Variants in MYO18B observed in about 807,000 individuals in gnomAD.
MYO18B encodes unconventional myosin-XVIIIb.
Under a neutral mutation model 273.0 loss-of-function variants are expected in MYO18B, and 204 were observed. That is an observed-to-expected ratio of 0.75 (90% CI 0.67 to 0.84). MYO18B has a LOEUF of 0.84. MYO18B is among the 40% of genes least tolerant of loss of function. MYO18B has a pLI of 0.00. For synonymous variants in MYO18B, 1,330 were observed against 1,305.7 expected (o/e 1.02, Z -0.40); for missense variants, 3,212 against 3,287.6 (o/e 0.98, Z 0.56).
chr22:25,794,090 C>G (rs552240991), intron 11 of MYO18B, among the ~76,000 whole-genome samples: 1 of 151,998 alleles, frequency 6.6e-6, no homozygotes, highest in Non-Finnish European at 1.5e-5. Context: ...CCCGCCACCA[C>G]GCCAGGCTAA....
rs765149814 is a variant in MYO18B, at chr22:25,868,307, A to G, written c.3886-13A>G. On this transcript the variant is annotated splice_polypyrimidine_tract_variant and intron_variant, in intron 21 of 43. Coordinates refer to ENST00000335473, the MANE Select transcript of MYO18B (RefSeq NM_032608.7). ...TTCTATGCTGTCTAACTTCTCTCTA[A>G]TTTTTTCCCCAGGCCGTGGAGGAGC... 2.5e-6 allele frequency: 4 copies of G among 1,593,040 alleles called. No individual in the cohort carries two copies. The highest frequency in any genetic ancestry group is 3.4e-6 in the Non-Finnish European group (4 of 1,169,508).
intron 1 of MYO18B, among the ~76,000 whole-genome samples, chr22:25,758,237 C>T (rs946935585): frequency 6.6e-6 from 1 of 152,076 alleles, no homozygotes; most frequent in Non-Finnish European, 1.5e-5. Context: ...TGGTCTCGAA[C>T]TCCTGACCTC....
intron 34 of MYO18B, among the ~76,000 whole-genome samples, chr22:25,925,223 TG>T (rs1384789755): frequency 6.6e-6 from 1 of 152,108 alleles, no homozygotes; most frequent in Non-Finnish European, 1.5e-5. Flanking sequence ...TTCTGGATTC[TG>T]CCCCCTCCCC....
At chr22:25,926,199 C>A (rs540375644) in intron 34 of MYO18B, among the ~76,000 whole-genome samples, 1 of 151,628 alleles carries the variant, frequency 6.6e-6, no homozygotes, top group African/African-American at 2.4e-5. Flanking sequence ...AGCAAGACTG[C>A]GTCTCAAAAA....
chr22:25,947,804 G>GAAGCAC lies in MYO18B; in HGVS notation c.5728_5733dup (p.His1910_Lys1911dup). On this transcript the variant is annotated inframe_insertion, in exon 36 of 44. Transcript: ENST00000335473. ...AGGATGACCTGAATGAGCTGATGCA[G>GAAGCAC]AAGCACAAGGACCTCATTGCTCAGG... The GAAGCAC allele has an allele frequency of 1.2e-6, 2 of 1,613,876 alleles. No individual in the cohort carries two copies. Among genetic ancestry groups the GAAGCAC allele is most frequent in the Non-Finnish European group, 1.7e-6 (2 of 1,179,838 alleles).
intron 22 of MYO18B, among the ~76,000 whole-genome samples, chr22:25,868,759 C>G (rs1195828899): frequency 6.6e-6 from 1 of 152,110 alleles, no homozygotes; most frequent in Non-Finnish European, 1.5e-5. Flanking sequence ...GCAACCAGCT[C>G]TAACACAGCT....
chr22:25,798,027 G>A lies in MYO18B; in HGVS notation c.2451G>A (p.Glu817=). The part of the protein sequence containing the change: ...QGAMEMLGIS[E]SEQRAVWRVL... The stretch of plus-strand genomic sequence containing the variant: ...CCATGGAGATGCTCGGCATCTCAGA[G>A]AGCGAGCAGCGGGCTGTTTGGCGGG... Residue 817 remains glutamate, a synonymous_variant, in exon 12 of 44, where the codon GAG becomes GAA. Coordinates refer to ENST00000335473, the MANE Select transcript of MYO18B (RefSeq NM_032608.7). 6.2e-7 allele frequency: 1 copy of A among 1,613,596 alleles called. No homozygotes were observed. Among genetic ancestry groups the A allele is most frequent in the Non-Finnish European group, 8.5e-7 (1 of 1,179,550 alleles).
chr22:25,901,726 T>C (rs867707184), intron 29 of MYO18B, among the ~76,000 whole-genome samples: 3 of 152,036 alleles, frequency 2.0e-5, no homozygotes, highest in African/African-American at 7.3e-5. Flanking sequence ...TCAGGAAATA[T>C]TGGAAGTCAA....
At chr22:25,932,395 CTTTTTTCT>C (rs780898969) in intron 34 of MYO18B, among the ~76,000 whole-genome samples, 4 of 146,888 alleles carry the variant, frequency 2.7e-5, no homozygotes, top group Admixed American at 6.8e-5. Flanking sequence ...CTTTTCTTTT[CTTTTTTCT>C]TTTCTTTCTT....
intron 10 of MYO18B, among the ~76,000 whole-genome samples, chr22:25,782,638 C>T (rs1361355850): frequency 1.3e-5 from 2 of 152,158 alleles, no homozygotes; most frequent in Admixed American, 6.5e-5. Context: ...GTGGGTTTTC[C>T]CACATGAGGG....
intron 12 of MYO18B, among the ~76,000 whole-genome samples, chr22:25,821,153 T>C (rs147717161): frequency 6.6e-6 from 1 of 152,338 alleles, no homozygotes; most frequent in East Asian, 1.9e-4. Context: ...AGATGTCTCT[T>C]TGATGCACTG....
At chr22:26,016,311 G>T (rs1212216404) in intron 42 of MYO18B, among the ~76,000 whole-genome samples, 1 of 152,182 alleles carries the variant, frequency 6.6e-6, no homozygotes, top group East Asian at 1.9e-4. Context: ...ATCAGAGTGT[G>T]ACTTGGGAAG....
chr22:25,785,360 C>T (rs891477450), intron 10 of MYO18B, 68 bp from the exon 11 acceptor site: 42 of 1,493,374 alleles, frequency 2.8e-5, no homozygotes, highest in East Asian at 7.3e-5. Flanking sequence ...CACACTGTGA[C>T]GACCACCTGC....
At chr22:25,950,346 T>G in intron 36 of MYO18B, 21 bp from the exon 37 acceptor site, 1 of 81,690 alleles carries the variant, frequency 1.2e-5, no homozygotes, top group Non-Finnish European at 2.2e-5. Flanking sequence ...TATATATACA[T>G]TTTTTTTTTT....
chr22:25,955,505 A>C, intron 39 of MYO18B, 141 bp downstream of exon 39: 1 of 878,270 alleles, frequency 1.1e-6, no homozygotes, highest in Non-Finnish European at 1.6e-6. Flanking sequence ...AGGAGAAACA[A>C]GAAGGGGAGA....
chr22:26,047,195 C>T, the MYO18B span, among the ~76,000 whole-genome samples: 11 of 149,176 alleles, frequency 7.4e-5, no homozygotes, highest in African/African-American at 2.2e-4. Flanking sequence ...GGCGTGATCT[C>T]GGCTCACTGC....
chr22:25,999,608 TCTCCTTCTCTTCCTCCTC>T, intron 40 of MYO18B, among the ~76,000 whole-genome samples: 1 of 119,058 alleles, frequency 8.4e-6, no homozygotes, highest in East Asian at 2.9e-4. Context: ...TTCTCCTCCT[TCTCCTTCTCTTCCTCCTC>T]CTCCTCCTCC....
intron 12 of MYO18B, among the ~76,000 whole-genome samples, chr22:25,814,139 G>C (rs2088889353): frequency 1.3e-5 from 2 of 152,038 alleles, no homozygotes; most frequent in Non-Finnish European, 2.9e-5. Context: ...GAGGAGATTA[G>C]GACACCTGCG....
intron 17 of MYO18B, among the ~76,000 whole-genome samples, chr22:25,836,012 A>T (rs1569088658): frequency 1.3e-5 from 2 of 152,194 alleles, no homozygotes; most frequent in African/African-American, 2.4e-5. Context: ...ATATGGTAGG[A>T]AGGCAGGTGG....
Sources: allele counts gnomAD v4.1 joint callset (sites outside exome capture counted in the v4.1 genomes callset), GRCh38; gene constraint gnomAD v4.1.1; transcripts MANE v1.5; gene names NCBI Gene and HGNC (gene_info 2026-07-23, HGNC 2026-07-21).